The following AKR1D1 variants were observed in gnomAD, a reference collection of about 807,000 sequenced individuals.
AKR1D1 encodes aldo-keto reductase family 1 member D1, also known as delta(4)-3-ketosteroid 5-beta-reductase.
A neutral mutation model predicts 42.6 loss-of-function variants in AKR1D1; 32 were observed. That is an observed-to-expected ratio of 0.75 (90% CI 0.57 to 1.01). The LOEUF (loss-of-function observed/expected upper bound fraction) is 1.01. Ranked by LOEUF, AKR1D1 falls within the 50% of genes least tolerant of loss-of-function variation. AKR1D1 has a pLI of 0.00. For missense variants in AKR1D1, 364 were observed against 402.2 expected (o/e 0.91, Z 0.81); for synonymous variants, 123 against 135.5 (o/e 0.91, Z 0.64).
chr7:138,092,013 T>A, intron 3 of AKR1D1, 129 bp downstream of exon 3: 2 of 619,512 alleles, frequency 3.2e-6, no homozygotes, highest in Non-Finnish European at 5.7e-6. Flanking sequence ...AGCCAATAGC[T>A]ATGTGCATGA....
chr7:138,112,358 C>A (rs1038672701), intron 7 of AKR1D1, among the ~76,000 whole-genome samples: 3 of 151,904 alleles, frequency 2.0e-5, no homozygotes, highest in Admixed American at 1.3e-4. Flanking sequence ...AAAATGGTTC[C>A]CTGAAAAGAG....
intron 4 of AKR1D1, among the ~76,000 whole-genome samples, chr7:138,104,495 C>T (rs1422384497): frequency 3.3e-5 from 5 of 151,912 alleles, no homozygotes; most frequent in South Asian, 2.1e-4. Flanking sequence ...GTCAGGAGTT[C>T]GAGACCAGCC....
At chr7:138,098,696 G>A (rs769491340) in intron 4 of AKR1D1, among the ~76,000 whole-genome samples, 2 of 152,158 alleles carry the variant, frequency 1.3e-5, no homozygotes, top group Non-Finnish European at 2.9e-5. Flanking sequence ...AAGATCACAA[G>A]AGTAGACAAC....
chr7:138,091,392 T>C (rs1040451421), intron 2 of AKR1D1: 2 of 309,086 alleles, frequency 6.5e-6, no homozygotes, highest in South Asian at 2.9e-5. Flanking sequence ...GTCAAGTGTA[T>C]GTGAGTAGCT....
intron 4 of AKR1D1, among the ~76,000 whole-genome samples, chr7:138,103,684 A>G (rs1004126716): frequency 6.6e-6 from 1 of 152,168 alleles, no homozygotes; most frequent in Non-Finnish European, 1.5e-5. Context: ...TTACTATATT[A>G]ATATCATATA....
chr7:138,101,191 C>CCCTTCCTTCCTTCCTTCCTT (rs1222751373), intron 4 of AKR1D1, among the ~76,000 whole-genome samples: 4 of 20,590 alleles, frequency 1.9e-4, no homozygotes, highest in African/African-American at 9.1e-4. Context: ...CTCCCTCCCT[C>CCCTTCCTTCCTTCCTTCCTT]CCTTCCTTCC....
intron 1 of AKR1D1, among the ~76,000 whole-genome samples, chr7:138,081,506 CTTTTTTTTTTTTTTTT>C (rs61466734): frequency 3.4e-4 from 16 of 47,698 alleles, no homozygotes; most frequent in Admixed American, 2.9e-3. Flanking sequence ...GAACTCCTAC[CTTTTTTTTTTTTTTTT>C]TTTTTTTTTT....
chr7:138,103,983 A>T lies in AKR1D1; in HGVS notation c.457-1324A>T, dbSNP rs1794367626. 2.0e-5 allele frequency among the ~76,000 whole-genome samples: 3 copies of T among 152,230 alleles called. No homozygotes were observed. In the South Asian group the frequency reaches 6.2e-4, roughly 32 times the overall value. On this transcript the variant is annotated intron_variant, in intron 4 of 8. Coordinates refer to ENST00000242375, the MANE Select transcript of AKR1D1 (RefSeq NM_005989.4). The stretch of plus-strand genomic sequence containing the variant: ...CCCTCATCTCCAAAAAATATTTTAA[A>T]AACAAAATTTAGCCAGTGTGGTTGC...
intron 1 of AKR1D1, among the ~76,000 whole-genome samples, chr7:138,081,280 G>A (rs1233735176): frequency 2.0e-5 from 3 of 152,034 alleles, no homozygotes; most frequent in Non-Finnish European, 2.9e-5. Context: ...GTTAAGTCAC[G>A]TATCAGAAGA....
chr7:138,086,537 T>C (rs1049352643), intron 1 of AKR1D1, among the ~76,000 whole-genome samples: 8 of 152,240 alleles, frequency 5.3e-5, no homozygotes, highest in African/African-American at 1.7e-4. Context: ...CGTATCCTCT[T>C]ATCTTCTCTA....
At chr7:138,093,613 G>C (rs967240244) in intron 3 of AKR1D1, among the ~76,000 whole-genome samples, 11 of 152,132 alleles carry the variant, frequency 7.2e-5, no homozygotes, top group African/African-American at 2.7e-4. Context: ...TGTGACAACA[G>C]TGTCTTCTTC....
At chr7:138,107,237 T>C (rs937181746) in intron 6 of AKR1D1, 178 bp from the exon 7 acceptor site, 3 of 780,836 alleles carry the variant, frequency 3.8e-6, no homozygotes, top group Non-Finnish European at 6.9e-6. Flanking sequence ...GATCTTCCCA[T>C]ACTACGAGTA....
rs35802315 is a variant in AKR1D1 at position 138,088,841 on chromosome 7, C to CGTGTGTGT, written c.261+82_261+89dup. On this transcript the variant is annotated intron_variant, in intron 2 of 8. Coordinates refer to ENST00000242375, the MANE Select transcript of AKR1D1 (RefSeq NM_005989.4). ...GTTGTTCATTTTATTATTCATCTTCCGTGTGTGTGTGTGTGTAATTGCACT... is the reference window on the plus strand; with the variant it reads ...GTTGTTCATTTTATTATTCATCTTCCGTGTGTGTGTGTGTGTGTGTGTGTAATTGCACT... 1,499 of 1,230,616 alleles carry CGTGTGTGT rather than the reference C, an allele frequency of 1.2e-3. 11 individuals are homozygous for CGTGTGTGT. In the African/African-American group the frequency reaches 0.018, roughly 15 times the overall value. 76.2% of individuals were successfully genotyped at this position (1,230,616 alleles called of 1,614,324 possible).
At chr7:138,095,718 GT>G (rs1170293694) in intron 3 of AKR1D1, among the ~76,000 whole-genome samples, 1 of 152,086 alleles carries the variant, frequency 6.6e-6, no homozygotes, top group Non-Finnish European at 1.5e-5. Context: ...TAGAGACAGG[GT>G]TTTGCCATGT....
In AKR1D1 at chr7:138,088,593, C is replaced by G. The variant is rs200803153; in HGVS notation, c.94-8C>G. 6.8e-6 allele frequency: 11 copies of G among 1,614,112 alleles called. No individual in the cohort carries two copies. The Admixed American group carries it at 1.7e-4, about 24-fold the overall frequency. ...TTTTCCCCAAACCCAACCTCTTTGT[C>G]ACTTCAGACCCCTAAGGGAGCCTGT... On this transcript the variant is annotated splice_region_variant and splice_polypyrimidine_tract_variant and intron_variant, in intron 1 of 8. Coordinates refer to ENST00000242375, the MANE Select transcript of AKR1D1 (RefSeq NM_005989.4).
chr7:138,089,951 AT>A (rs1260153695), intron 2 of AKR1D1, among the ~76,000 whole-genome samples: 2 of 151,896 alleles, frequency 1.3e-5, no homozygotes, highest in African/African-American at 4.8e-5. Flanking sequence ...CTGGACCTCA[AT>A]TTTTTTTCTC....
At chr7:138,106,565 G>T (rs375493994) in intron 5 of AKR1D1, 43 bp from the exon 6 acceptor site, 1 of 1,467,470 alleles carries the variant, frequency 6.8e-7, no homozygotes, top group South Asian at 1.1e-5. Context: ...ATTCAACAAC[G>T]TGGCCTTGAT....
chr7:138,106,753 A>G (rs372065794), intron 6 of AKR1D1, 36 bp downstream of exon 6: 29 of 1,495,238 alleles, frequency 1.9e-5, no homozygotes, highest in Non-Finnish European at 2.6e-5. Context: ...CCTTTGGTGT[A>G]GAGTGTGAGG....
rs1199942265 is a variant in AKR1D1, at chr7:138,116,614, T to C, written c.939-6T>C. 2 of 1,614,090 alleles carry C rather than the reference T, an allele frequency of 1.2e-6. No homozygotes were observed. The highest frequency in any genetic ancestry group is 1.3e-5 in the African/African-American group (1 of 74,926). The stretch of plus-strand genomic sequence containing the variant: ...ACTTTTTTCTGTGGGGGAATTGTTT[T>C]GGCAGGTGGCGCGATCATCCTGAAT... On this transcript the variant is annotated splice_region_variant and splice_polypyrimidine_tract_variant and intron_variant, in intron 8 of 8. Transcript: ENST00000242375.
Sources: gnomAD v4.1 joint callset for allele counts (sites outside exome capture counted in the v4.1 genomes callset) on GRCh38, gnomAD v4.1.1 for gene constraint, MANE v1.5 for transcripts, NCBI Gene and HGNC (gene_info 2026-07-23, HGNC 2026-07-21) for gene names.